Variants in ENKUR observed in about 807,000 individuals in gnomAD.
ENKUR encodes enkurin, TRPC channel interacting protein.
A neutral mutation model predicts 27.6 loss-of-function variants in ENKUR; 19 were observed. The ratio of observed to expected loss-of-function variants is 0.69; its 90% CI spans 0.48 to 1.01. The LOEUF (loss-of-function observed/expected upper bound fraction) is 1.01. ENKUR is among the 50% of genes least tolerant of loss of function. The pLI, the probability that ENKUR is intolerant of heterozygous loss-of-function variation, is 0.00. For synonymous variants in ENKUR, 117 were observed against 96.9 expected, an observed-to-expected ratio of 1.21 and a Z score of -1.22; for missense variants, 312 against 310.5, an observed-to-expected ratio of 1.00 and a Z score of -0.04.
intron 4 of ENKUR, among the ~76,000 whole-genome samples, chr10:24,985,419 G>C (rs1849758774): frequency 6.6e-6 from 1 of 152,124 alleles, no homozygotes; most frequent in Non-Finnish European, 1.5e-5. Context: ...AAATTCACTT[G>C]TACAAAAGAT....
At position 25,033,566 on chromosome 10, in the gene ENKUR, T is replaced by A. The variant is rs1310405288; in HGVS notation, c.37+27546A>T. Among the ~76,000 whole-genome samples, 3 of 152,092 alleles carry A rather than the reference T, an allele frequency of 2.0e-5. No homozygotes were observed. In the East Asian group the frequency reaches 5.8e-4, roughly 29 times the overall value. On this transcript the variant is annotated intron_variant, in intron 2 of 5. Transcript: ENST00000615958. The stretch of plus-strand genomic sequence containing the variant: ...AACCCTTTCTTCCCAAACTTCTTTA[T>A]CAAGGAAAGGAAAACTTGTAAATAT...
intron 2 of ENKUR, among the ~76,000 whole-genome samples, chr10:24,998,195 G>A (rs1043503781): frequency 5.3e-5 from 8 of 152,176 alleles, no homozygotes; most frequent in African/African-American, 1.9e-4. Flanking sequence ...ATCGCTAGCC[G>A]GGCTTGAGAT....
At chr10:25,011,667 G>C (rs1367536758) in intron 1 of ENKUR, among the ~76,000 whole-genome samples, 1 of 152,142 alleles carries the variant, frequency 6.6e-6, no homozygotes, top group African/African-American at 2.4e-5. Flanking sequence ...CAGGATATAG[G>C]CATGGGCAAG....
chr10:25,018,336 C>CAT, upstream of ENKUR, among the ~76,000 whole-genome samples: 1 of 152,114 alleles, frequency 6.6e-6, no homozygotes, highest in South Asian at 2.1e-4. Context: ...CTGTGTCCAC[C>CAT]GCATGTCCAC....
intron 3 of ENKUR, among the ~76,000 whole-genome samples, chr10:24,993,730 T>G (rs1849977880): frequency 6.6e-6 from 1 of 152,220 alleles, no homozygotes; most frequent in Non-Finnish European, 1.5e-5. Context: ...AGGTGCACAG[T>G]GCTTTCATGG....
At chr10:25,052,929 C>T (rs1564358194) in intron 2 of ENKUR, among the ~76,000 whole-genome samples, 1 of 151,952 alleles carries the variant, frequency 6.6e-6, no homozygotes, top group Non-Finnish European at 1.5e-5. Context: ...GCCACCATGC[C>T]TGGCTAATTT....
intron 2 of ENKUR, chr10:25,025,342 G>C (rs922719153): frequency 5.0e-6 from 8 of 1,614,192 alleles, no homozygotes; most frequent in East Asian, 2.2e-5. Context: ...ACTGCATGAG[G>C]CTTTATTAGA....
chr10:25,024,317 G>C (rs151096276), intron 2 of ENKUR: 1 of 1,614,038 alleles, frequency 6.2e-7, no homozygotes, highest in African/African-American at 1.3e-5. Flanking sequence ...TTTGCACACT[G>C]TATCCCACCA....
At chr10:25,033,825 G>GTCTATCTATCATCTA (rs1554773530) in intron 2 of ENKUR, among the ~76,000 whole-genome samples, 1 of 148,620 alleles carries the variant, frequency 6.7e-6, no homozygotes, top group Non-Finnish European at 1.5e-5. Flanking sequence ...GTGTGTGTGT[G>GTCTATCTATCATCTA]TCTATCTATC....
upstream of ENKUR, chr10:25,016,935 C>T (rs77711037): frequency 0.03 from 4,595 of 152,582 alleles, 94 homozygotes; most frequent in Non-Finnish European, 0.045. Context: ...CTGGTCGAGG[C>T]TCCTCGGAAC....
chr10:25,024,984 G>T, intron 2 of ENKUR: 1 of 1,614,166 alleles, frequency 6.2e-7, no homozygotes, highest in South Asian at 1.1e-5. Context: ...GACAGCTAAT[G>T]ACAGAATTAT....
At chr10:24,987,991 C>T (rs969038600) in intron 4 of ENKUR, among the ~76,000 whole-genome samples, 3 of 151,700 alleles carry the variant, frequency 2.0e-5, no homozygotes, top group African/African-American at 7.3e-5. Context: ...GAAGCCAAGG[C>T]GGGTGGATCA....
At chr10:25,029,900 C>T (rs1318457751) in intron 2 of ENKUR, among the ~76,000 whole-genome samples, 3 of 152,206 alleles carry the variant, frequency 2.0e-5, no homozygotes, top group African/African-American at 7.2e-5. Context: ...CATAGTCCTA[C>T]ATCAGAAGTT....
upstream of ENKUR, among the ~76,000 whole-genome samples, chr10:25,017,852 G>A (rs1330585707): frequency 1.3e-5 from 2 of 152,022 alleles, no homozygotes; most frequent in Admixed American, 1.3e-4. Context: ...AAAATTTGGC[G>A]GGAAACCTCC....
chr10:25,036,700 A>G (rs1164916166), intron 2 of ENKUR, among the ~76,000 whole-genome samples: 3 of 152,198 alleles, frequency 2.0e-5, no homozygotes. Flanking sequence ...AGGTATTTTA[A>G]AAGTGATTTA....
At chr10:25,027,578 G>A (rs1850881878) in intron 2 of ENKUR, among the ~76,000 whole-genome samples, 1 of 150,900 alleles carries the variant, frequency 6.6e-6, no homozygotes, top group Admixed American at 6.6e-5. Flanking sequence ...GAAAGTGAGA[G>A]GAACAGTGTT....
At chr10:25,030,659 T>C (rs1850923856) in intron 2 of ENKUR, among the ~76,000 whole-genome samples, 2 of 152,196 alleles carry the variant, frequency 1.3e-5, no homozygotes, top group South Asian at 2.1e-4. Flanking sequence ...TGATGGGCTT[T>C]CTCAATATGG....
chr10:24,995,915 G>A (rs1034981242), intron 2 of ENKUR, 46 bp from the exon 3 acceptor site: 2 of 1,411,636 alleles, frequency 1.4e-6, no homozygotes, highest in African/African-American at 2.9e-5. Flanking sequence ...TACAAACACT[G>A]CTACTCAGTG....
chr10:25,010,593 CCT>C (rs1227380225), intron 1 of ENKUR, among the ~76,000 whole-genome samples: 1 of 151,268 alleles, frequency 6.6e-6, no homozygotes, highest in Non-Finnish European at 1.5e-5. Context: ...ATCCCTCCCC[CCT>C]ACCCCCACCC....
Sources: gnomAD v4.1 joint callset for allele counts (sites outside exome capture counted in the v4.1 genomes callset) on GRCh38, gnomAD v4.1.1 for gene constraint, MANE v1.5 for transcripts, NCBI Gene and HGNC (gene_info 2026-07-23, HGNC 2026-07-21) for gene names.